The following FAT3 variants were observed in gnomAD, a reference collection of about 807,000 sequenced individuals.
The protein encoded by FAT3 is protocadherin Fat 3.
FAT3 carries 95 observed loss-of-function variants against 310.2 expected under a neutral mutation model. The ratio of observed to expected loss-of-function variants is 0.31; its 90% CI spans 0.26 to 0.36. FAT3 has a LOEUF of 0.36. Ranked by LOEUF, FAT3 falls within the 10% of genes least tolerant of loss-of-function variation. FAT3 has a pLI of 1.00. For missense variants in FAT3, 5,408 were observed against 5,715.6 expected, an observed-to-expected ratio of 0.95 and a Z score of 1.74; for synonymous variants, 2,314 against 2,192.9, an observed-to-expected ratio of 1.06 and a Z score of -1.54.
intron 13 of FAT3, among the ~76,000 whole-genome samples, chr11:92,817,789 G>T (rs759088628): frequency 1.3e-5 from 2 of 152,192 alleles, no homozygotes; most frequent in Non-Finnish European, 2.9e-5. Context: ...TTGTTAGATG[G>T]AGATTTTTCT....
chr11:92,340,666 C>G (rs1290886300), intron 1 of FAT3, among the ~76,000 whole-genome samples: 1 of 152,122 alleles, frequency 6.6e-6, no homozygotes, highest in Non-Finnish European at 1.5e-5. Context: ...CTTACCCACC[C>G]CGAGTTCTAA....
intron 4 of FAT3, among the ~76,000 whole-genome samples, chr11:92,741,041 A>T (rs1376400768): frequency 2.6e-5 from 4 of 151,740 alleles, no homozygotes; most frequent in Non-Finnish European, 5.9e-5. Flanking sequence ...ACTCAGAAAG[A>T]TATATATATA....
chr11:92,324,402 G>T (rs1269904177), intron 1 of FAT3, among the ~76,000 whole-genome samples: 2 of 152,132 alleles, frequency 1.3e-5, no homozygotes, highest in Non-Finnish European at 2.9e-5. Flanking sequence ...ACATTGTAGG[G>T]TTATTAATTG....
At chr11:92,656,136 A>G (rs1942572110) in intron 3 of FAT3, among the ~76,000 whole-genome samples, 1 of 152,180 alleles carries the variant, frequency 6.6e-6, no homozygotes, top group Non-Finnish European at 1.5e-5. Context: ...GATTCAAACT[A>G]TCGGCTCTGC....
intron 2 of FAT3, among the ~76,000 whole-genome samples, chr11:92,431,403 G>A (rs1410340084): frequency 1.3e-5 from 2 of 152,070 alleles, no homozygotes; most frequent in Non-Finnish European, 2.9e-5. Context: ...TGTAGATTCT[G>A]GATATTAGCC....
chr11:92,227,923 A>ATT (rs5793585), intron 1 of FAT3, among the ~76,000 whole-genome samples: 136 of 149,180 alleles, frequency 9.1e-4, no homozygotes, highest in African/African-American at 7.4e-4. Context: ...AGTTTTTTTT[A>ATT]TTTTTTTTTT....
At chr11:92,734,521 T>C (rs1945282156) in intron 4 of FAT3, among the ~76,000 whole-genome samples, 1 of 152,214 alleles carries the variant, frequency 6.6e-6, no homozygotes, top group African/African-American at 2.4e-5. Context: ...AAGTAACATT[T>C]ACTCTGGAAG....
At chr11:92,562,215 C>CA (rs1311755836) in intron 3 of FAT3, among the ~76,000 whole-genome samples, 1 of 152,054 alleles carries the variant, frequency 6.6e-6, no homozygotes, top group Non-Finnish European at 1.5e-5. Flanking sequence ...TATTCATATG[C>CA]AATTTATATT....
At chr11:92,424,775 A>C (rs521837) in intron 2 of FAT3, among the ~76,000 whole-genome samples, 107,878 of 152,068 alleles carry the variant, frequency 0.71, 40,183 homozygotes, top group Non-Finnish European at 0.8. Context: ...TTTTTTTCTA[A>C]TTTTGGAAGG....
intron 2 of FAT3, among the ~76,000 whole-genome samples, chr11:92,388,250 T>C (rs1490356535): frequency 6.6e-6 from 1 of 152,188 alleles, no homozygotes; most frequent in Non-Finnish European, 1.5e-5. Flanking sequence ...ACCTTGTGGC[T>C]GAATCTATCT....
At chr11:92,408,278 A>G (rs1372631476) in intron 2 of FAT3, 1 of 152,186 alleles carries the variant, frequency 6.6e-6, no homozygotes, top group African/African-American at 2.4e-5. Flanking sequence ...TGTAACCTTA[A>G]CTACCTCCTC....
At chr11:92,707,029 T>A (rs1944378235) in intron 4 of FAT3, among the ~76,000 whole-genome samples, 1 of 152,234 alleles carries the variant, frequency 6.6e-6, no homozygotes, top group Non-Finnish European at 1.5e-5. Context: ...GTGCTCCTGG[T>A]TGACCTACTC....
rs1316318131 is a variant in FAT3, at chr11:92,827,464, A to C, written c.9482-4158A>C. ...GGGTTCTGCCACTCTAGAAATGCAG[A>C]CCCAGGGAAACGAAGTGACTTGCCC... On this transcript the variant is annotated intron_variant, in intron 13 of 27. Transcript: ENST00000525166. Among the ~76,000 whole-genome samples the C allele has an allele frequency of 1.4e-4, 21 of 152,184 alleles. 1 individual carries two copies. The highest frequency in any genetic ancestry group is 1.4e-3 in the Admixed American group (21 of 15,278).
At chr11:92,856,824 A>G (rs1352430589) in intron 19 of FAT3, among the ~76,000 whole-genome samples, 1 of 152,162 alleles carries the variant, frequency 6.6e-6, no homozygotes, top group Admixed American at 6.5e-5. Flanking sequence ...CTCAAGTGAT[A>G]CATTCAAATA....
chr11:92,516,778 A>G (rs1405079346), intron 2 of FAT3, among the ~76,000 whole-genome samples: 1 of 152,234 alleles, frequency 6.6e-6, no homozygotes, highest in Non-Finnish European at 1.5e-5. Context: ...GCTGATAAGC[A>G]ACTTCAGCAA....
At chr11:92,821,670 G>A (rs542688863) in intron 13 of FAT3, among the ~76,000 whole-genome samples, 7 of 152,174 alleles carry the variant, frequency 4.6e-5, no homozygotes, top group Non-Finnish European at 1.0e-4. Context: ...CCAAAAACAC[G>A]CATGTGATGT....
intron 1 of FAT3, among the ~76,000 whole-genome samples, chr11:92,313,508 G>A (rs984619988): frequency 6.6e-6 from 1 of 152,100 alleles, no homozygotes; most frequent in African/African-American, 2.4e-5. Flanking sequence ...TTTTTAATGT[G>A]TTACTGACAA....
chr11:92,799,344 A>C lies in FAT3; in HGVS notation c.6331A>C (p.Lys2111Gln), dbSNP rs1947265705. 2 of 1,613,934 alleles carry C rather than the reference A, an allele frequency of 1.2e-6. No homozygotes were observed. The highest frequency in any genetic ancestry group is 1.7e-6 in the Non-Finnish European group (2 of 1,179,862). ...GATTTATCAGGTGACAGCCATTGAC[A>C]AAGATAAAGGTCCAAATGGAGAAGT... ...TLIYQVTAIDKDKGPNGEVTY... is the reference protein window; with the variant it reads ...TLIYQVTAIDQDKGPNGEVTY... Residue 2111 changes from lysine (K) to glutamine (Q), a missense_variant, in exon 10 of 28, where the codon AAA (lysine) becomes CAA (glutamine). Lys to Gln is a moderately conservative substitution (Grantham distance 53, BLOSUM62 1). Transcript: ENST00000525166.
intron 1 of FAT3, among the ~76,000 whole-genome samples, chr11:92,295,359 G>T (rs540565233): frequency 6.6e-6 from 1 of 152,240 alleles, no homozygotes; most frequent in South Asian, 2.1e-4. Flanking sequence ...AGGAGGCCGT[G>T]TTGGATTATT....
Sources: gnomAD v4.1 joint callset for allele counts (sites outside exome capture counted in the v4.1 genomes callset) on GRCh38, gnomAD v4.1.1 for gene constraint, MANE v1.5 for transcripts, NCBI Gene and HGNC (gene_info 2026-07-23, HGNC 2026-07-21) for gene names.